LCLAT1: variants seen among roughly 807,000 people sequenced by gnomAD.
LCLAT1 encodes the protein 1-AGP acyltransferase 8.
LCLAT1 carries 11 observed loss-of-function variants against 30.7 expected under a neutral mutation model. The observed-to-expected ratio is 0.36, with a 90% CI of 0.23 to 0.59. The LOEUF (loss-of-function observed/expected upper bound fraction) is 0.59. Ranked by LOEUF, LCLAT1 falls within the 20% of genes least tolerant of loss-of-function variation. The probability of loss-of-function intolerance (pLI) is 0.77; values close to 1 mark genes in which losing one functional copy is unlikely to be tolerated. For synonymous variants in LCLAT1, 155 were observed against 151.3 expected (o/e 1.02, Z -0.18); for missense variants, 402 against 458.6 (o/e 0.88, Z 1.13).
intron 5 of LCLAT1, among the ~76,000 whole-genome samples, chr2:30,590,325 T>A (rs1666634134): frequency 6.8e-6 from 1 of 146,610 alleles, no homozygotes; most frequent in African/African-American, 2.7e-5. Flanking sequence ...TTTGATAGAT[T>A]TTTTTTTTTG....
intron 2 of LCLAT1, among the ~76,000 whole-genome samples, chr2:30,531,517 T>A (rs1685985072): frequency 1.3e-5 from 2 of 152,192 alleles, no homozygotes; most frequent in Admixed American, 6.5e-5. Flanking sequence ...AAATACATTT[T>A]TATTGACCTC....
rs1664586011 is a variant in LCLAT1, at chr2:30,549,515, G to C, written c.365-12631G>C. Among the ~76,000 whole-genome samples the C allele has an allele frequency of 3.3e-5, 5 of 152,162 alleles. No individual in the cohort carries two copies. In the South Asian group the frequency reaches 1.0e-3, roughly 32 times the overall value. ...AATTTGGAGGGAGCTTTAGGGTTTT[G>C]AATCTGCTTTGTATTTGGTGGAAAA... On this transcript the variant is annotated intron_variant, in intron 3 of 5. Coordinates refer to ENST00000379509, the MANE Select transcript of LCLAT1 (RefSeq NM_001002257.3).
chr2:30,593,541 T>C (rs1666789050), intron 5 of LCLAT1, among the ~76,000 whole-genome samples: 1 of 152,194 alleles, frequency 6.6e-6, no homozygotes, highest in African/African-American at 2.4e-5. Flanking sequence ...GGGTCTTTTG[T>C]GATTCTATAC....
At chr2:30,578,880 C>G (rs181920594) in intron 5 of LCLAT1, among the ~76,000 whole-genome samples, 4 of 152,222 alleles carry the variant, frequency 2.6e-5, no homozygotes, top group Non-Finnish European at 5.9e-5. Context: ...ATGACCACAA[C>G]AAGTTCATAA....
rs1211851485 is a variant in LCLAT1, at chr2:30,447,307, A to AGGTTGTGACC, written c.-80_-71dup. The AGGTTGTGACC allele has an allele frequency of 2.7e-4, 41 of 151,796 alleles. No individual in the cohort carries two copies. Among genetic ancestry groups the AGGTTGTGACC allele is most frequent in the African/African-American group, 9.2e-4 (38 of 41,416 alleles). The allele number at this position is 151,796 out of a possible 1,614,324, so 9.4% of individuals were successfully genotyped here. A position where few individuals can be genotyped will look rare whatever the true frequency, so the allele number is the denominator to read the frequency against. Reference sequence around the variant, plus strand: ...TGAATTAACGGCGGGTTCCGCACGGAGGTTGTGACCCCTACGGAGCCCCAG... The same window carrying AGGTTGTGACC: ...TGAATTAACGGCGGGTTCCGCACGGAGGTTGTGACCGGTTGTGACCCCTACGGAGCCCCAG... On this transcript the variant is annotated 5_prime_UTR_variant, in exon 1 of 6. Transcript: ENST00000379509.
intron 5 of LCLAT1, among the ~76,000 whole-genome samples, chr2:30,621,359 A>C (rs886875934): frequency 1.3e-5 from 2 of 152,096 alleles, no homozygotes; most frequent in South Asian, 2.1e-4. Flanking sequence ...CTTTGGAGGA[A>C]ATTAGCTTAT....
intron 5 of LCLAT1, among the ~76,000 whole-genome samples, chr2:30,603,897 G>T (rs187189994): frequency 6.6e-6 from 1 of 152,066 alleles, no homozygotes; most frequent in South Asian, 2.1e-4. Flanking sequence ...TTAGTGACAG[G>T]TCTCTAGAAA....
chr2:30,595,370 A>T (rs1396288174), intron 5 of LCLAT1, among the ~76,000 whole-genome samples: 1 of 152,072 alleles, frequency 6.6e-6, no homozygotes, highest in African/African-American at 2.4e-5. Context: ...CATTCAGATC[A>T]CTAATGTCTT....
chr2:30,559,136 T>C (rs777095125), intron 3 of LCLAT1, among the ~76,000 whole-genome samples: 7 of 152,328 alleles, frequency 4.6e-5, no homozygotes, highest in East Asian at 1.9e-4. Flanking sequence ...ATTCTACTTA[T>C]ATGATTTGTG....
intron 1 of LCLAT1, among the ~76,000 whole-genome samples, chr2:30,459,377 C>T (rs1447717676): frequency 6.6e-6 from 1 of 152,184 alleles, no homozygotes; most frequent in Non-Finnish European, 1.5e-5. Flanking sequence ...GCATTCCCTT[C>T]CTAAGCACTA....
chr2:30,459,770 A>C (rs200032678), intron 1 of LCLAT1: 2 of 1,246,242 alleles, frequency 1.6e-6, no homozygotes, highest in Non-Finnish European at 2.4e-6. Context: ...GTCTTGCTTC[A>C]TATATCTGAA....
chr2:30,530,691 A>G (rs1196077847), intron 2 of LCLAT1, among the ~76,000 whole-genome samples: 1 of 152,118 alleles, frequency 6.6e-6, no homozygotes, highest in Non-Finnish European at 1.5e-5. Flanking sequence ...GGCTCTGGGC[A>G]TGTTCCACAA....
At chr2:30,519,969 G>A (rs373746480) in intron 1 of LCLAT1, among the ~76,000 whole-genome samples, 9 of 152,148 alleles carry the variant, frequency 5.9e-5, no homozygotes, top group African/African-American at 1.4e-4. Context: ...CTTCTGATCC[G>A]GGGAGGTGCC....
intron 5 of LCLAT1, among the ~76,000 whole-genome samples, chr2:30,608,453 C>T (rs969455294): frequency 2.6e-5 from 4 of 151,916 alleles, no homozygotes; most frequent in Non-Finnish European, 4.4e-5. Flanking sequence ...TGTCCTAGGC[C>T]TTCACATTCA....
chr2:30,580,062 G>T (rs954321779), intron 5 of LCLAT1, among the ~76,000 whole-genome samples: 1 of 152,034 alleles, frequency 6.6e-6, no homozygotes, highest in Admixed American at 6.6e-5. Context: ...CATGAGCGAG[G>T]TATTTACAGA....
intron 1 of LCLAT1, among the ~76,000 whole-genome samples, chr2:30,515,040 C>G (rs1269426611): frequency 1.3e-5 from 2 of 152,024 alleles, no homozygotes; most frequent in Non-Finnish European, 2.9e-5. Context: ...ACCCCCGCTC[C>G]CCCACTGCCC....
chr2:30,468,269 T>C (rs1682576114), intron 1 of LCLAT1, among the ~76,000 whole-genome samples: 3 of 152,230 alleles, frequency 2.0e-5, no homozygotes, highest in Admixed American at 1.3e-4. Context: ...TGTGTGGTAT[T>C]ATTTCTGAGG....
chr2:30,538,668 G>A (rs780371317), intron 3 of LCLAT1, among the ~76,000 whole-genome samples: 4 of 151,726 alleles, frequency 2.6e-5, no homozygotes, highest in African/African-American at 7.3e-5. Flanking sequence ...AATTAGAACT[G>A]TAATAAAAAA....
At chr2:30,462,438 C>T (rs1378690870) in intron 1 of LCLAT1, among the ~76,000 whole-genome samples, 1 of 152,182 alleles carries the variant, frequency 6.6e-6, no homozygotes, top group Non-Finnish European at 1.5e-5. Context: ...GCAGGTGTAT[C>T]TTGAGCTTAG....
Sources: allele counts gnomAD v4.1 joint callset (sites outside exome capture counted in the v4.1 genomes callset), GRCh38; gene constraint gnomAD v4.1.1; transcripts MANE v1.5; gene names NCBI Gene and HGNC (gene_info 2026-07-23, HGNC 2026-07-21).